The following SLC35D1 variants were observed in gnomAD, a reference collection of about 807,000 sequenced individuals.
SLC35D1 encodes the protein solute carrier family 35 member D1.
In SLC35D1, 31 loss-of-function variants were observed where a neutral mutation model predicts 46.7. The ratio of observed to expected loss-of-function variants is 0.66; its 90% CI spans 0.50 to 0.90. The LOEUF (loss-of-function observed/expected upper bound fraction) is 0.90, where lower values mean the gene tolerates loss of function less well. SLC35D1 is among the 40% of genes least tolerant of loss of function. The pLI is 0.00. For missense variants in SLC35D1, 397 were observed against 426.2 expected, an observed-to-expected ratio of 0.93 and a Z score of 0.60; for synonymous variants, 195 against 164.6, an observed-to-expected ratio of 1.18 and a Z score of -1.41.
Position 67,054,069 on chromosome 1 carries a change from G to T in SLC35D1, c.-56C>A. The T allele has an allele frequency of 6.3e-7, 1 of 1,576,938 alleles. No individual in the cohort carries two copies. The stretch of plus-strand genomic sequence containing the variant: ...GGGCCTAGCGGCTCGGGGGCCTGCA[G>T]CGGCAGCTCCCAGGGGACTCCAGGA... On this transcript the variant is annotated 5_prime_UTR_variant, in exon 1 of 12. In the 5' UTR this introduces an upstream ATG that the reference lacks. Transcript: ENST00000235345.
chr1:67,008,646 T>A (rs1428392322), intron 11 of SLC35D1, among the ~76,000 whole-genome samples: 1 of 152,154 alleles, frequency 6.6e-6, no homozygotes, highest in Non-Finnish European at 1.5e-5. Context: ...CCTACAGTCA[T>A]GGACATATTC....
the SLC35D1 span, among the ~76,000 whole-genome samples, chr1:66,982,128 A>G: frequency 9.9e-5 from 15 of 152,222 alleles, no homozygotes; most frequent in African/African-American, 2.9e-4. Flanking sequence ...AATAAAGCCT[A>G]CTGTCAACAG....
chr1:67,022,765 C>T (rs948374490), intron 8 of SLC35D1, among the ~76,000 whole-genome samples: 1 of 152,158 alleles, frequency 6.6e-6, no homozygotes, highest in African/African-American at 2.4e-5. Flanking sequence ...AATGTATAAT[C>T]ATGTAACCAC....
At chr1:66,985,890 C>T in the SLC35D1 span, 1 of 941,894 alleles carries the variant, frequency 1.1e-6, no homozygotes, top group East Asian at 1.2e-4. Context: ...AAGCATGATG[C>T]TTAGATTGCA....
chr1:66,982,125 C>T, the SLC35D1 span, among the ~76,000 whole-genome samples: 7 of 152,126 alleles, frequency 4.6e-5, no homozygotes, highest in African/African-American at 1.7e-4. Context: ...TTTAATAAAG[C>T]CTACTGTCAA....
downstream of SLC35D1, among the ~76,000 whole-genome samples, chr1:66,999,179 T>G (rs1167559689): frequency 6.6e-6 from 1 of 152,066 alleles, no homozygotes; most frequent in African/African-American, 2.4e-5. Context: ...ACTTCCTTCC[T>G]TCTAATTTAC....
downstream of SLC35D1, among the ~76,000 whole-genome samples, chr1:66,995,440 A>G (rs1667228771): frequency 3.7e-4 from 4 of 10,756 alleles, no homozygotes; most frequent in Admixed American, 2.6e-3. Flanking sequence ...CGCTAAAAAA[A>G]AAAAAAAAAA....
intron 8 of SLC35D1, among the ~76,000 whole-genome samples, chr1:67,034,966 C>T (rs549802802): frequency 5.3e-5 from 8 of 152,228 alleles, no homozygotes; most frequent in Admixed American, 5.2e-4. Flanking sequence ...TGATGTATTA[C>T]ATTAATTGAT....
the SLC35D1 span, chr1:66,981,852 G>T: frequency 1.2e-6 from 2 of 1,613,936 alleles, no homozygotes; most frequent in Non-Finnish European, 1.7e-6. Flanking sequence ...TCCCCCAACT[G>T]CATCAAACAG....
intron 8 of SLC35D1, chr1:67,031,917 A>T: frequency 3.3e-6 from 1 of 301,644 alleles, no homozygotes; most frequent in Non-Finnish European, 4.9e-6. Flanking sequence ...GGCATGGTGA[A>T]CATACATTTT....
At chr1:67,028,599 T>C (rs148663389) in intron 8 of SLC35D1, among the ~76,000 whole-genome samples, 4 of 152,354 alleles carry the variant, frequency 2.6e-5, no homozygotes, top group African/African-American at 7.2e-5. Flanking sequence ...TTCCTCTTTA[T>C]GGTACAGTTT....
At chr1:67,032,004 T>G in intron 8 of SLC35D1, 1 of 950,120 alleles carries the variant, frequency 1.1e-6, no homozygotes, top group Non-Finnish European at 1.3e-6. Flanking sequence ...TAAAGAGCCA[T>G]TGTGAAGAGA....
chr1:66,998,646 T>TCTA (rs1667271137), downstream of SLC35D1, among the ~76,000 whole-genome samples: 4 of 152,198 alleles, frequency 2.6e-5, no homozygotes, highest in Non-Finnish European at 2.9e-5. Context: ...AATGGAATAT[T>TCTA]ATTCAGACTT....
chr1:67,019,662 A>T (rs1364779718), intron 10 of SLC35D1, among the ~76,000 whole-genome samples: 3 of 152,158 alleles, frequency 2.0e-5, no homozygotes, highest in Admixed American at 1.3e-4. Flanking sequence ...AACGTTAAGG[A>T]CCTACCTCTC....
chr1:66,977,108 ATCT>A, the SLC35D1 span, among the ~76,000 whole-genome samples: 15 of 151,698 alleles, frequency 9.9e-5, no homozygotes, highest in South Asian at 1.0e-3. Context: ...TACAGTTTTA[ATCT>A]TCTTTTTTTT....
intron 7 of SLC35D1, among the ~76,000 whole-genome samples, chr1:67,044,030 C>T (rs892770111): frequency 2.0e-5 from 3 of 152,102 alleles, no homozygotes; most frequent in Non-Finnish European, 4.4e-5. Context: ...AATAAATACC[C>T]AACAATTGAA....
chr1:66,986,591 C>G, the SLC35D1 span: 6 of 812,266 alleles, frequency 7.4e-6, no homozygotes, highest in African/African-American at 8.6e-5. Context: ...AACATATGTT[C>G]GGACTGCTTC....
Position 67,013,158 on chromosome 1 carries a change from A to AGATATATATATATATATATATATATG in SLC35D1, c.877-3992_877-3991insCATATATATATATATATATATATATC, listed in dbSNP as rs150270485. Among the ~76,000 whole-genome samples, 76 of 103,618 alleles carry AGATATATATATATATATATATATATG rather than the reference A, an allele frequency of 7.3e-4. 1 individual carries two copies. The highest frequency in any genetic ancestry group is 1.4e-3 in the Admixed American group (15 of 10,888). 68.0% of individuals were successfully genotyped at this position (103,618 alleles called of 152,430 possible). On this transcript the variant is annotated intron_variant, in intron 10 of 11. Coordinates refer to ENST00000235345, the MANE Select transcript of SLC35D1 (RefSeq NM_015139.3). ...TAATTTAAGAACATATATCCTGGAGATATATATATATCCTGTTCTTAAATT... is the reference window on the plus strand; with the variant it reads ...TAATTTAAGAACATATATCCTGGAGAGATATATATATATATATATATATATGTATATATATATCCTGTTCTTAAATT...
the SLC35D1 span, chr1:66,976,463 CTGTTGTA>C: frequency 1.5e-6 from 1 of 651,076 alleles, no homozygotes; most frequent in Non-Finnish European, 2.4e-6. Context: ...AGCTGCTACA[CTGTTGTA>C]TGTTATATAT....
Sources: allele counts gnomAD v4.1 joint callset (sites outside exome capture counted in the v4.1 genomes callset), GRCh38; gene constraint gnomAD v4.1.1; transcripts MANE v1.5; gene names NCBI Gene and HGNC (gene_info 2026-07-23, HGNC 2026-07-21).